Variants in FBXW11 observed in about 807,000 individuals in gnomAD.
The protein encoded by FBXW11 is F-box/WD repeat-containing protein 11.
A neutral mutation model predicts 77.6 loss-of-function variants in FBXW11; 19 were observed. The ratio of observed to expected loss-of-function variants is 0.24; its 90% CI spans 0.17 to 0.36. FBXW11 has a LOEUF of 0.36. FBXW11 is among the 10% of genes least tolerant of loss of function. The probability of loss-of-function intolerance (pLI) is 1.00; values close to 1 mark genes in which losing one functional copy is unlikely to be tolerated. For synonymous variants in FBXW11, 235 were observed against 249.4 expected, an observed-to-expected ratio of 0.94 and a Z score of 0.54; for missense variants, 334 against 704.2, an observed-to-expected ratio of 0.47 and a Z score of 5.95.
At chr5:171,960,624 GA>G (rs1187434934) in intron 1 of FBXW11, among the ~76,000 whole-genome samples, 1 of 152,168 alleles carries the variant, frequency 6.6e-6, no homozygotes, top group Non-Finnish European at 1.5e-5. Context: ...AAAAATCACA[GA>G]TTGTGAGAAC....
rs1765610579 is a variant in FBXW11, at chr5:171,989,282, T to C, written c.45+17176A>G. Among the ~76,000 whole-genome samples the C allele has an allele frequency of 3.9e-5, 6 of 152,212 alleles. No homozygotes were observed. In the South Asian group the frequency reaches 1.2e-3, roughly 32 times the overall value. The stretch of plus-strand genomic sequence containing the variant: ...AGTGAAAGGCTGTAATGAAACAGGG[T>C]ATTTACAAGGTGCCAAAATAGTGTC... On this transcript the variant is annotated intron_variant, in intron 1 of 13. Coordinates refer to ENST00000517395, the MANE Select transcript of FBXW11 (RefSeq NM_001378974.1).
chr5:171,882,382 C>A (rs1758575665), intron 7 of FBXW11, among the ~76,000 whole-genome samples: 1 of 152,134 alleles, frequency 6.6e-6, no homozygotes, highest in Non-Finnish European at 1.5e-5. Context: ...CTTACTGCAG[C>A]CTTTGACCTC....
At chr5:171,957,401 G>C (rs1417761395) in intron 2 of FBXW11, among the ~76,000 whole-genome samples, 196 bp downstream of exon 2, 2 of 152,156 alleles carry the variant, frequency 1.3e-5, no homozygotes, top group Admixed American at 6.5e-5. Flanking sequence ...ACAGGGCCCA[G>C]CCAAAGACCC....
intron 7 of FBXW11, among the ~76,000 whole-genome samples, chr5:171,884,823 T>C (rs1341360137): frequency 2.0e-5 from 3 of 152,240 alleles, no homozygotes; most frequent in Non-Finnish European, 4.4e-5. Flanking sequence ...CCTAAGTATG[T>C]TATTTTTTTG....
At chr5:171,954,397 T>C (rs1158344647) in intron 2 of FBXW11, among the ~76,000 whole-genome samples, 1 of 152,182 alleles carries the variant, frequency 6.6e-6, no homozygotes, top group Non-Finnish European at 1.5e-5. Flanking sequence ...CCATAAAAGA[T>C]CAAATGAGAT....
At chr5:171,892,888 T>G (rs1293643650) in intron 6 of FBXW11, among the ~76,000 whole-genome samples, 3 of 152,204 alleles carry the variant, frequency 2.0e-5, no homozygotes, top group African/African-American at 7.2e-5. Flanking sequence ...ATTATTTGCT[T>G]TGTTGAAGGA....
At chr5:171,962,155 T>G (rs1450732169) in intron 1 of FBXW11, among the ~76,000 whole-genome samples, 1 of 152,212 alleles carries the variant, frequency 6.6e-6, no homozygotes, top group Non-Finnish European at 1.5e-5. Context: ...AAAATATGTC[T>G]GAAGAATACC....
intron 1 of FBXW11, among the ~76,000 whole-genome samples, chr5:171,972,698 C>T (rs1054840625): frequency 1.3e-5 from 2 of 151,952 alleles, no homozygotes; most frequent in African/African-American, 4.8e-5. Context: ...GCGCCCACCA[C>T]CACACCTAGC....
intron 8 of FBXW11, 149 bp downstream of exon 8, chr5:171,877,862 T>C: frequency 3.1e-6 from 2 of 652,670 alleles, no homozygotes; most frequent in Non-Finnish European, 2.7e-6. Context: ...TCCTGCCTAA[T>C]TTGCGCAAAC....
intron 2 of FBXW11, among the ~76,000 whole-genome samples, chr5:171,933,280 G>C (rs1030336030): frequency 6.6e-6 from 1 of 152,038 alleles, no homozygotes; most frequent in Admixed American, 6.6e-5. Context: ...GCTACACACC[G>C]TGTGATCCAA....
At chr5:172,004,134 C>G (rs543007298) in intron 1 of FBXW11, among the ~76,000 whole-genome samples, 15 of 152,270 alleles carry the variant, frequency 9.9e-5, no homozygotes, top group African/African-American at 3.6e-4. Context: ...AAACAGAAAG[C>G]CACATGCAAT....
intron 2 of FBXW11, among the ~76,000 whole-genome samples, chr5:171,921,438 C>T (rs556035141): frequency 6.6e-6 from 1 of 152,284 alleles, no homozygotes; most frequent in South Asian, 2.1e-4. Context: ...AGACCTAAGC[C>T]TGTTCTACTC....
rs1475727699 is a variant in FBXW11, at chr5:171,904,354, A to G, written c.437-4254T>C. The stretch of plus-strand genomic sequence containing the variant: ...TAGATACTCGCCTTTTCAAACCTCA[A>G]AGGCTGCAACATCCCCATCATCTGT... On this transcript the variant is annotated intron_variant, in intron 4 of 13. Coordinates refer to ENST00000517395, the MANE Select transcript of FBXW11 (RefSeq NM_001378974.1). The surrounding 1 kb of genome is among the most constrained non-coding windows in gnomAD (Gnocchi z 4.0). Among the ~76,000 whole-genome samples, 3 of 152,034 alleles carry G rather than the reference A, an allele frequency of 2.0e-5. No homozygotes were observed. Among genetic ancestry groups the G allele is most frequent in the Non-Finnish European group, 2.9e-5 (2 of 67,994 alleles).
chr5:171,933,732 T>C (rs1317966912), intron 2 of FBXW11, among the ~76,000 whole-genome samples: 1 of 152,142 alleles, frequency 6.6e-6, no homozygotes, highest in African/African-American at 2.4e-5. Flanking sequence ...AGCCATGCAG[T>C]AAAGAAATAA....
chr5:171,976,621 C>G (rs962390511), intron 1 of FBXW11, among the ~76,000 whole-genome samples: 1 of 152,062 alleles, frequency 6.6e-6, no homozygotes, highest in Non-Finnish European at 1.5e-5. Flanking sequence ...GCTGCAAGTT[C>G]AATCTCTTGC....
At chr5:171,886,599 A>G (rs1458467602) in intron 7 of FBXW11, among the ~76,000 whole-genome samples, 1 of 151,984 alleles carries the variant, frequency 6.6e-6, no homozygotes, top group East Asian at 1.9e-4. Flanking sequence ...AATAAATAAT[A>G]AAATAAAACG....
chr5:171,950,886 C>CA (rs1235331251), intron 2 of FBXW11, among the ~76,000 whole-genome samples: 3 of 151,598 alleles, frequency 2.0e-5, no homozygotes, highest in Middle Eastern at 3.4e-3. Context: ...GACTCGGTCT[C>CA]AAAAAAATAC....
At chr5:171,925,609 T>G (rs371254010) in intron 2 of FBXW11, among the ~76,000 whole-genome samples, 2 of 152,222 alleles carry the variant, frequency 1.3e-5, no homozygotes, top group African/African-American at 4.8e-5. Context: ...GCCTCCCAAG[T>G]AGCTGGGACC....
chr5:171,945,212 A>G (rs1762946068), intron 2 of FBXW11, among the ~76,000 whole-genome samples: 1 of 152,254 alleles, frequency 6.6e-6, no homozygotes, highest in Admixed American at 6.5e-5. Flanking sequence ...TGGTCAGAAA[A>G]GGTCTCTCTG....
Sources: allele counts gnomAD v4.1 joint callset (sites outside exome capture counted in the v4.1 genomes callset), GRCh38; gene constraint gnomAD v4.1.1; non-coding constraint Gnocchi (gnomAD v3.1); transcripts MANE v1.5; gene names NCBI Gene and HGNC (gene_info 2026-07-23, HGNC 2026-07-21).